Variants in SEMA3E observed in about 807,000 individuals in gnomAD.
SEMA3E encodes semaphorin 3E.
Under a neutral mutation model 93.6 loss-of-function variants are expected in SEMA3E, and 49 were observed. The ratio of observed to expected loss-of-function variants is 0.52; its 90% CI spans 0.42 to 0.66. The LOEUF (loss-of-function observed/expected upper bound fraction) is 0.66, where lower values mean the gene tolerates loss of function less well. Among genes scored for constraint, SEMA3E ranks in the 30% least tolerant of loss-of-function variants. The pLI is 0.00. For missense variants in SEMA3E, 906 were observed against 964.8 expected, an observed-to-expected ratio of 0.94 and a Z score of 0.81; for synonymous variants, 363 against 330.7, an observed-to-expected ratio of 1.10 and a Z score of -1.06.
chr7:83,402,911 T>C (rs763454717), intron 9 of SEMA3E, 135 bp from the exon 10 acceptor site: 31 of 793,806 alleles, frequency 3.9e-5, no homozygotes, highest in Non-Finnish European at 5.5e-5. Flanking sequence ...AAGAATATTC[T>C]AGGTATGTTA....
At chr7:83,467,140 C>T (rs183119874) in intron 3 of SEMA3E, among the ~76,000 whole-genome samples, 87 of 147,724 alleles carry the variant, frequency 5.9e-4, no homozygotes, top group Non-Finnish European at 1.2e-3. Context: ...TTTCAGCTCA[C>T]TGCAGCCTCG....
chr7:83,405,964 G>A lies in SEMA3E; in HGVS notation c.909C>T (p.Asp303=). The A allele has an allele frequency of 6.2e-7, 1 of 1,611,566 alleles. No homozygotes were observed. The change falls in exon 8 of 17, where the codon GAC becomes GAT. Residue 303 remains aspartate (D), a synonymous_variant. Coordinates refer to ENST00000643230, the MANE Select transcript of SEMA3E (RefSeq NM_012431.3). ...VCSVPGMNGI[D]TYFDELEDVF... ...ATTTACCTAATTCATCAAAATATGT[G>A]TCAATTCCATTCATTCCTGGTACTG...
intron 2 of SEMA3E, among the ~76,000 whole-genome samples, chr7:83,482,268 C>T (rs771050236): frequency 1.3e-5 from 2 of 151,958 alleles, no homozygotes; most frequent in Non-Finnish European, 2.9e-5. Context: ...ATAATAAGCA[C>T]AGTAAGATTT....
intron 1 of SEMA3E, among the ~76,000 whole-genome samples, chr7:83,574,056 A>G (rs955868112): frequency 2.0e-5 from 3 of 152,122 alleles, no homozygotes; most frequent in Admixed American, 6.5e-5. Context: ...GCAAATATTA[A>G]CACTGCAATT....
chr7:83,446,665 C>T (rs1434583502), intron 4 of SEMA3E, among the ~76,000 whole-genome samples: 1 of 152,180 alleles, frequency 6.6e-6, no homozygotes, highest in Non-Finnish European at 1.5e-5. Flanking sequence ...CGTGACCCTT[C>T]ATAGTTTTAC....
At position 83,407,224 on chromosome 7, in the gene SEMA3E, C is replaced by A; in HGVS notation, c.686G>T (p.Gly229Val). The A allele has an allele frequency of 6.2e-7, 1 of 1,612,856 alleles. No individual in the cohort carries two copies. Among genetic ancestry groups the A allele is most frequent in the South Asian group, 1.1e-5 (1 of 91,062 alleles). ...ERLLKEPKFV[G>V]SYMIPDNEDR... is the part of the protein sequence containing the mutation. ...TTCATTGTCAGGAATCATGTATGAA[C>A]CTACAAATTTTGGTTCTATAGGAGC... Residue 229 changes from glycine (G) to valine (V), a missense_variant, in exon 7 of 17, where the codon GGT becomes GTT. Coordinates refer to ENST00000643230, the MANE Select transcript of SEMA3E (RefSeq NM_012431.3).
At chr7:83,420,231 A>C (rs1358088343) in intron 4 of SEMA3E, among the ~76,000 whole-genome samples, 1 of 152,170 alleles carries the variant, frequency 6.6e-6, no homozygotes, top group South Asian at 2.1e-4. Flanking sequence ...AAATACATCT[A>C]AGCAAGGAGG....
chr7:83,479,494 GT>G (rs1251150089), intron 2 of SEMA3E, among the ~76,000 whole-genome samples: 1 of 152,140 alleles, frequency 6.6e-6, no homozygotes, highest in Non-Finnish European at 1.5e-5. Flanking sequence ...CTAAAAATAT[GT>G]AATACTTCTA....
chr7:83,547,889 G>A (rs1288991874), intron 1 of SEMA3E, among the ~76,000 whole-genome samples: 1 of 152,058 alleles, frequency 6.6e-6, no homozygotes, highest in East Asian at 1.9e-4. Context: ...TGAGGCTAGA[G>A]TAATCATTAA....
chr7:83,578,443 C>A (rs184385877), intron 1 of SEMA3E, among the ~76,000 whole-genome samples: 1 of 152,156 alleles, frequency 6.6e-6, no homozygotes, highest in Non-Finnish European at 1.5e-5. Flanking sequence ...GTAATCCCAG[C>A]TAATCGGGAG....
At chr7:83,388,137 C>T (rs887756129) in intron 14 of SEMA3E, among the ~76,000 whole-genome samples, 15 of 147,944 alleles carry the variant, frequency 1.0e-4, no homozygotes, top group Non-Finnish European at 2.2e-4. Flanking sequence ...GGTGAAACCC[C>T]GTGTCTACTA....
Position 83,364,055 on chromosome 7 carries a change from C to T in SEMA3E, c.*3531G>A, listed in dbSNP as rs1461700282. The T allele has an allele frequency of 2.0e-5, 3 of 150,542 alleles. No homozygotes were observed. Among genetic ancestry groups the T allele is most frequent in the Admixed American group, 6.6e-5 (1 of 15,086 alleles). The allele number at this position is 150,542 out of a possible 1,614,324, so 9.3% of individuals were successfully genotyped here. ...GACTACAGGCGCCCGCCACCGCGCC[C>T]GGCTAATTTTTTGTATTTTTAGTAG... On this transcript the variant is annotated 3_prime_UTR_variant, in exon 17 of 17. Coordinates refer to ENST00000643230, the MANE Select transcript of SEMA3E (RefSeq NM_012431.3).
intron 1 of SEMA3E, among the ~76,000 whole-genome samples, chr7:83,506,456 G>C (rs1214234881): frequency 6.6e-6 from 1 of 151,998 alleles, no homozygotes; most frequent in Middle Eastern, 3.2e-3. Context: ...ATAGTTCCCA[G>C]AGGCTGGAAA....
intron 1 of SEMA3E, among the ~76,000 whole-genome samples, chr7:83,582,254 AAAT>A (rs1398925854): frequency 6.6e-6 from 1 of 150,830 alleles, no homozygotes; most frequent in African/African-American, 2.4e-5. Flanking sequence ...ATATACATAT[AAAT>A]AATAAACTAA....
intron 1 of SEMA3E, among the ~76,000 whole-genome samples, chr7:83,541,867 C>CA (rs3834349): frequency 0.22 from 33,437 of 151,648 alleles, 3,867 homozygotes; most frequent in East Asian, 0.39. Context: ...CTCATGTTTC[C>CA]AAGAAGAGAA....
At chr7:83,541,536 T>C (rs1345709927) in intron 1 of SEMA3E, among the ~76,000 whole-genome samples, 3 of 152,088 alleles carry the variant, frequency 2.0e-5, no homozygotes, top group Non-Finnish European at 4.4e-5. Flanking sequence ...AGGGCAGAAA[T>C]AGAAGTCACT....
chr7:83,364,245 C>A lies in SEMA3E; in HGVS notation c.*3341G>T, dbSNP rs1005801241. On this transcript the variant is annotated 3_prime_UTR_variant, in exon 17 of 17. Coordinates refer to ENST00000643230, the MANE Select transcript of SEMA3E (RefSeq NM_012431.3). ...GCTGCTGTTTGTTTCATGCTTAACA[C>A]CAACACTCAAAATGACTTATAGTAT... The A allele has an allele frequency of 6.6e-6, 1 of 152,120 alleles. No homozygotes were observed. Among genetic ancestry groups the A allele is most frequent in the African/African-American group, 2.4e-5 (1 of 41,422 alleles). The allele number at this position is 152,120 out of a possible 1,614,324, so 9.4% of individuals were successfully genotyped here.
intron 1 of SEMA3E, chr7:83,616,573 T>A (rs1404926627): frequency 6.4e-6 from 2 of 313,686 alleles, no homozygotes; most frequent in Non-Finnish European, 1.3e-5. Flanking sequence ...AGTGCAACTT[T>A]CCCCTGAAAC....
At position 83,409,328 on chromosome 7, in the gene SEMA3E, G is replaced by A. The variant is rs185093609; in HGVS notation, c.551-841C>T. 5.6e-4 allele frequency among the ~76,000 whole-genome samples: 85 copies of A among 152,244 alleles called. 1 individual carries two copies. Among genetic ancestry groups the A allele is most frequent in the Non-Finnish European group, 9.6e-4 (65 of 68,022 alleles). On this transcript the variant is annotated intron_variant, in intron 5 of 16. Transcript: ENST00000643230. ...TAGAATCCTTTCCCAAAACTCACAA[G>A]AGGTAATCAGTGTGCCCATCAGTTT...
Sources: allele counts gnomAD v4.1 joint callset (sites outside exome capture counted in the v4.1 genomes callset), GRCh38; gene constraint gnomAD v4.1.1; transcripts MANE v1.5; gene names NCBI Gene and HGNC (gene_info 2026-07-23, HGNC 2026-07-21).